Variants in MCTP1 observed in about 807,000 individuals in gnomAD.
MCTP1 encodes the protein multiple C2 and transmembrane domain-containing protein 1.
Under a neutral mutation model 120.6 loss-of-function variants are expected in MCTP1, and 69 were observed. The observed-to-expected ratio is 0.57, with a 90% CI of 0.47 to 0.70. The LOEUF (loss-of-function observed/expected upper bound fraction) is 0.70, where lower values mean the gene tolerates loss of function less well. Ranked by LOEUF, MCTP1 falls within the 30% of genes least tolerant of loss-of-function variation. MCTP1 has a pLI of 0.00. For synonymous variants in MCTP1, 529 were observed against 493.1 expected, an observed-to-expected ratio of 1.07 and a Z score of -0.96; for missense variants, 1,203 against 1,248.8, an observed-to-expected ratio of 0.96 and a Z score of 0.55.
intron 1 of MCTP1, among the ~76,000 whole-genome samples, chr5:95,206,824 C>T (rs543957169): frequency 7.2e-4 from 109 of 152,298 alleles, no homozygotes; most frequent in African/African-American, 2.6e-3. Context: ...GCGTGAGCCA[C>T]CATGCCTGTC....
chr5:94,929,767 C>T (rs555236780), intron 6 of MCTP1: 30 of 711,370 alleles, frequency 4.2e-5, no homozygotes, highest in South Asian at 1.9e-4. Flanking sequence ...TTTAACATTG[C>T]GCTCTTGTAA....
intron 20 of MCTP1, among the ~76,000 whole-genome samples, chr5:94,714,572 A>G (rs1758392435): frequency 2.0e-5 from 3 of 152,132 alleles, no homozygotes; most frequent in African/African-American, 2.4e-5. Context: ...TCCAACCAAT[A>G]TGTTCTAAAT....
At chr5:94,716,365 G>A (rs1759338820) in intron 19 of MCTP1, among the ~76,000 whole-genome samples, 1 of 151,420 alleles carries the variant, frequency 6.6e-6, no homozygotes, top group Non-Finnish European at 1.5e-5. Context: ...AGACGTTGGT[G>A]CATCAATTTA....
chr5:94,832,727 G>A (rs1287248205), intron 17 of MCTP1, among the ~76,000 whole-genome samples: 1 of 152,030 alleles, frequency 6.6e-6, no homozygotes, highest in Non-Finnish European at 1.5e-5. Flanking sequence ...TGCCCTGTTG[G>A]CTCCTGTACT....
At chr5:94,906,107 A>G (rs1448085159) in intron 10 of MCTP1, among the ~76,000 whole-genome samples, 1 of 152,152 alleles carries the variant, frequency 6.6e-6, no homozygotes, top group African/African-American at 2.4e-5. Context: ...GAATTGAACA[A>G]TGTGGTGGGC....
chr5:94,775,448 C>T (rs1006923853), intron 19 of MCTP1, among the ~76,000 whole-genome samples: 1 of 152,144 alleles, frequency 6.6e-6, no homozygotes, highest in African/African-American at 2.4e-5. Context: ...CATTATATGG[C>T]TTGTTGATAG....
chr5:94,819,118 T>TCTTCATTC (rs1554106078), intron 17 of MCTP1, among the ~76,000 whole-genome samples: 1 of 140,636 alleles, frequency 7.1e-6, no homozygotes, highest in Non-Finnish European at 1.5e-5. Context: ...TTTATTTATT[T>TCTTCATTC]ATTCATTCAT....
At chr5:95,171,091 T>G (rs962658119) in intron 1 of MCTP1, among the ~76,000 whole-genome samples, 1 of 152,186 alleles carries the variant, frequency 6.6e-6, no homozygotes, top group African/African-American at 2.4e-5. Flanking sequence ...CAGGAGCTCT[T>G]GTAGGGCAGG....
intron 2 of MCTP1, among the ~76,000 whole-genome samples, chr5:95,012,282 T>C (rs1836155243): frequency 6.6e-6 from 1 of 152,186 alleles, no homozygotes; most frequent in Non-Finnish European, 1.5e-5. Context: ...ATGAGAATCA[T>C]GACTGTCATT....
chr5:95,081,339 AT>A (rs1298366751), intron 1 of MCTP1: 5 of 1,206,240 alleles, frequency 4.1e-6, no homozygotes, highest in Non-Finnish European at 5.9e-6. Flanking sequence ...GTGAGAAGGC[AT>A]TTTTCTAAGG....
intron 1 of MCTP1, among the ~76,000 whole-genome samples, chr5:95,151,883 C>T (rs913634816): frequency 6.6e-6 from 1 of 152,032 alleles, no homozygotes; most frequent in African/African-American, 2.4e-5. Flanking sequence ...GACCACACTC[C>T]CTTCCACACA....
intron 1 of MCTP1, among the ~76,000 whole-genome samples, chr5:95,085,786 T>G (rs1014204533): frequency 6.6e-6 from 1 of 151,926 alleles, no homozygotes; most frequent in Non-Finnish European, 1.5e-5. Flanking sequence ...ATACCAAGAG[T>G]CTTGATCTTT....
At chr5:94,723,571 G>A (rs1303584287) in intron 19 of MCTP1, among the ~76,000 whole-genome samples, 1 of 147,786 alleles carries the variant, frequency 6.8e-6, no homozygotes. Flanking sequence ...TTTTTGTTTT[G>A]TTTTTGCTTT....
chr5:95,133,460 C>T (rs1442465708), intron 1 of MCTP1, among the ~76,000 whole-genome samples: 12 of 152,186 alleles, frequency 7.9e-5, no homozygotes, highest in Non-Finnish European at 1.6e-4. Flanking sequence ...TTGAGACCAG[C>T]CTGGCCAACA....
At chr5:94,806,040 C>G (rs1033453879) in intron 17 of MCTP1, among the ~76,000 whole-genome samples, 1 of 151,550 alleles carries the variant, frequency 6.6e-6, no homozygotes, top group African/African-American at 2.4e-5. Flanking sequence ...CTTAGGTGTT[C>G]TGGTAGAGGT....
At chr5:94,748,881 C>T (rs985001631) in intron 19 of MCTP1, among the ~76,000 whole-genome samples, 24 of 152,168 alleles carry the variant, frequency 1.6e-4, no homozygotes, top group African/African-American at 3.9e-4. Flanking sequence ...TGACTGGACA[C>T]GGTGGACTGA....
intron 1 of MCTP1, among the ~76,000 whole-genome samples, chr5:95,243,154 A>C (rs1756360296): frequency 6.6e-6 from 1 of 152,220 alleles, no homozygotes; most frequent in Non-Finnish European, 1.5e-5. Flanking sequence ...AAACTACGAA[A>C]GTAACGGATA....
At chr5:94,839,425 T>C (rs1188569785) in intron 17 of MCTP1, among the ~76,000 whole-genome samples, 2 of 152,026 alleles carry the variant, frequency 1.3e-5, no homozygotes, top group Admixed American at 6.6e-5. Flanking sequence ...ACTGGAATAC[T>C]AAAAAACTCC....
rs57358026 is a variant in MCTP1, at chr5:94,952,171, C to CAAAAAAAAAAAAAAAAAAAAA, written c.981+1027_981+1047dup. Among the ~76,000 whole-genome samples the CAAAAAAAAAAAAAAAAAAAAA allele has an allele frequency of 9.1e-5, 8 of 87,884 alleles. 2 individuals carry two copies. Among genetic ancestry groups the CAAAAAAAAAAAAAAAAAAAAA allele is most frequent in the African/African-American group, 2.3e-4 (5 of 22,192 alleles). The allele number at this position is 87,884 out of a possible 152,430, so 57.7% of individuals were successfully genotyped here. ...TGGGTGACAGAATGAGACTTTGTCG[C>CAAAAAAAAAAAAAAAAAAAAA]AAAAAAAAAAAAAAAAAAAAAAGCT... is the stretch of plus-strand genomic sequence containing the variant. On this transcript the variant is annotated intron_variant, in intron 3 of 22. Coordinates refer to ENST00000515393, the MANE Select transcript of MCTP1 (RefSeq NM_024717.7).
Sources: gnomAD v4.1 joint callset for allele counts (sites outside exome capture counted in the v4.1 genomes callset) on GRCh38, gnomAD v4.1.1 for gene constraint, MANE v1.5 for transcripts, NCBI Gene and HGNC (gene_info 2026-07-23, HGNC 2026-07-21) for gene names.